The following EPHX2 variants were observed in gnomAD, a reference collection of about 807,000 sequenced individuals.
The protein encoded by EPHX2 is epoxide hydrolase 2, also known as bifunctional epoxide hydrolase 2.
In EPHX2, 74 loss-of-function variants were observed where a neutral mutation model predicts 78.7. The observed-to-expected ratio is 0.94, with a 90% CI of 0.78 to 1.14. EPHX2 has a LOEUF of 1.14. Among genes scored for constraint, EPHX2 ranks in the 50% most tolerant of loss-of-function variants. The pLI, the probability that EPHX2 is intolerant of heterozygous loss-of-function variation, is 0.00. For synonymous variants in EPHX2, 251 were observed against 255.2 expected (o/e 0.98, Z 0.16); for missense variants, 715 against 702.5 (o/e 1.02, Z -0.20).
chr8:27,525,937 A>G (rs1563355997), intron 12 of EPHX2, among the ~76,000 whole-genome samples: 1 of 152,138 alleles, frequency 6.6e-6, no homozygotes, highest in Non-Finnish European at 1.5e-5. Flanking sequence ...TGGCTGATAC[A>G]TATATTGGGG....
chr8:27,494,586 C>T (rs1813505523), intron 1 of EPHX2, among the ~76,000 whole-genome samples: 3 of 152,164 alleles, frequency 2.0e-5, no homozygotes, highest in Admixed American at 6.5e-5. Context: ...GGCATATGGG[C>T]GAAGTCTAAC....
intron 11 of EPHX2, among the ~76,000 whole-genome samples, chr8:27,525,104 G>A (rs1260974750): frequency 1.8e-4 from 25 of 136,150 alleles, no homozygotes; most frequent in Non-Finnish European, 3.2e-4. Flanking sequence ...GTGTGTGTGT[G>A]TGTGCGCGCG....
intron 11 of EPHX2, among the ~76,000 whole-genome samples, chr8:27,524,719 C>T (rs1376571390): frequency 3.3e-5 from 5 of 152,174 alleles, no homozygotes; most frequent in African/African-American, 7.2e-5. Flanking sequence ...AGTTCAAATG[C>T]TCCCTTTTCC....
At chr8:27,526,823 C>T (rs1814861539) in intron 12 of EPHX2, among the ~76,000 whole-genome samples, 1 of 152,186 alleles carries the variant, frequency 6.6e-6, no homozygotes, top group Non-Finnish European at 1.5e-5. Flanking sequence ...GATCATAGCT[C>T]ACTGCAGCCC....
chr8:27,503,905 C>T (rs1253155453), intron 3 of EPHX2, 142 bp downstream of exon 3: 2 of 1,066,830 alleles, frequency 1.9e-6, no homozygotes, highest in East Asian at 5.1e-5. Flanking sequence ...GGCCCCAAAG[C>T]AAGTTTTATC....
intron 4 of EPHX2, among the ~76,000 whole-genome samples, 175 bp from the exon 5 acceptor site, chr8:27,506,697 T>C (rs1473935546): frequency 6.6e-6 from 1 of 152,206 alleles, no homozygotes; most frequent in Admixed American, 6.5e-5. Flanking sequence ...TAGGTCTGTG[T>C]GGGGTCATAT....
At chr8:27,528,361 A>G (rs1028938168) in intron 12 of EPHX2, among the ~76,000 whole-genome samples, 1 of 152,208 alleles carries the variant, frequency 6.6e-6, no homozygotes, top group African/African-American at 2.4e-5. Flanking sequence ...GGCTGCATCC[A>G]GCCACTGGAA....
chr8:27,500,877 G>T (rs565274773), intron 1 of EPHX2, 49 bp from the exon 2 acceptor site: 17 of 1,531,724 alleles, frequency 1.1e-5, no homozygotes, highest in Non-Finnish European at 1.5e-5. Context: ...TCCATGTGCT[G>T]CCATGACAAA....
At chr8:27,545,656 T>A (rs1563367359), downstream of EPHX2, 1 of 152,356 alleles carries the variant, frequency 6.6e-6, no homozygotes, top group Non-Finnish European at 1.5e-5. Flanking sequence ...TGCCACCTCC[T>A]CCAAGCCCAT....
chr8:27,497,061 A>T (rs1404627999), intron 1 of EPHX2, among the ~76,000 whole-genome samples: 1 of 152,192 alleles, frequency 6.6e-6, no homozygotes, highest in African/African-American at 2.4e-5. Context: ...GATTCCTTGG[A>T]TGGTAACAGA....
intron 3 of EPHX2, 112 bp downstream of exon 3, chr8:27,503,875 TG>T: frequency 1.5e-6 from 2 of 1,338,368 alleles, no homozygotes; most frequent in Non-Finnish European, 2.0e-6. Flanking sequence ...TGAGCCACGA[TG>T]GAAAGCCTCT....
chr8:27,528,459 C>A (rs1417103405), intron 12 of EPHX2, among the ~76,000 whole-genome samples: 1 of 152,174 alleles, frequency 6.6e-6, no homozygotes, highest in African/African-American at 2.4e-5. Context: ...CTCTAAGGAA[C>A]AAGTAGGCAA....
intron 1 of EPHX2, among the ~76,000 whole-genome samples, chr8:27,493,865 T>G (rs931092797): frequency 2.0e-5 from 3 of 152,218 alleles, no homozygotes; most frequent in Non-Finnish European, 4.4e-5. Context: ...GAAAGGGTGT[T>G]GGGAGCAGAC....
At chr8:27,536,346 C>T (rs745836889) in intron 12 of EPHX2, among the ~76,000 whole-genome samples, 48 of 152,194 alleles carry the variant, frequency 3.2e-4, no homozygotes, top group Non-Finnish European at 6.2e-4. Context: ...CTCAATATAG[C>T]GAAATTTAGA....
At chr8:27,512,097 C>CAAG (rs1814272908) in intron 6 of EPHX2, 187 bp downstream of exon 6, 2 of 144,366 alleles carry the variant, frequency 1.4e-5, no homozygotes, top group Admixed American at 1.0e-4. Flanking sequence ...AACCCTGTCT[C>CAAG]AAGAAAAAAA....
At chr8:27,532,398 A>C (rs1035229041) in intron 12 of EPHX2, among the ~76,000 whole-genome samples, 6 of 152,116 alleles carry the variant, frequency 3.9e-5, no homozygotes, top group African/African-American at 1.4e-4. Context: ...ACCAATGACA[A>C]ATTTCCTGCC....
At chr8:27,531,376 C>G (rs1226947539) in intron 12 of EPHX2, among the ~76,000 whole-genome samples, 2 of 152,150 alleles carry the variant, frequency 1.3e-5, no homozygotes, top group Non-Finnish European at 1.5e-5. Context: ...CTTTGCTGTC[C>G]ACCTCTTTCT....
At chr8:27,501,395 T>TCTTCTTCTG in intron 2 of EPHX2, among the ~76,000 whole-genome samples, 1 of 79,220 alleles carries the variant, frequency 1.3e-5, no homozygotes, top group East Asian at 4.0e-4. Context: ...TTCTTCTTCT[T>TCTTCTTCTG]TCTTCTTTCT....
At chr8:27,522,904 T>A (rs1433884470) in intron 11 of EPHX2, among the ~76,000 whole-genome samples, 1 of 133,954 alleles carries the variant, frequency 7.5e-6, no homozygotes. Flanking sequence ...GAGGTTGCAG[T>A]GAGCCAAGAT....
Sources: allele counts gnomAD v4.1 joint callset (sites outside exome capture counted in the v4.1 genomes callset), GRCh38; gene constraint gnomAD v4.1.1; transcripts MANE v1.5; gene names NCBI Gene and HGNC (gene_info 2026-07-23, HGNC 2026-07-21).